SLC35F1: variants seen among roughly 807,000 people sequenced by gnomAD.
SLC35F1 encodes the protein chromosome 6 open reading frame 169.
A neutral mutation model predicts 48.7 loss-of-function variants in SLC35F1; 14 were observed. The ratio of observed to expected loss-of-function variants is 0.29; its 90% CI spans 0.19 to 0.45. The LOEUF (loss-of-function observed/expected upper bound fraction) is 0.45. SLC35F1 is among the 20% of genes least tolerant of loss of function. The pLI, the probability that SLC35F1 is intolerant of heterozygous loss-of-function variation, is 1.00. For missense variants in SLC35F1, 404 were observed against 500.0 expected, an observed-to-expected ratio of 0.81 and a Z score of 1.83; for synonymous variants, 190 against 202.2, an observed-to-expected ratio of 0.94 and a Z score of 0.51.
At chr6:117,919,288 A>G (rs1387117225) in intron 1 of SLC35F1, among the ~76,000 whole-genome samples, 2 of 152,148 alleles carry the variant, frequency 1.3e-5, no homozygotes, top group African/African-American at 4.8e-5. Context: ...GTTTTGTTTC[A>G]GGAAAACAGC....
intron 3 of SLC35F1, among the ~76,000 whole-genome samples, chr6:118,262,095 A>G (rs1455244381): frequency 1.3e-5 from 2 of 152,172 alleles, no homozygotes; most frequent in Non-Finnish European, 2.9e-5. Flanking sequence ...CACTCAGAAA[A>G]TGTTCCATCT....
At chr6:117,947,440 T>C (rs74810867) in intron 1 of SLC35F1, among the ~76,000 whole-genome samples, 3,142 of 152,172 alleles carry the variant, frequency 0.021, 44 homozygotes, top group Middle Eastern at 0.041. Flanking sequence ...ATTTGGGGGA[T>C]TTTTTAGCAG....
intron 4 of SLC35F1, among the ~76,000 whole-genome samples, chr6:118,270,938 CT>C (rs1775843720): frequency 6.6e-6 from 1 of 152,134 alleles, no homozygotes; most frequent in African/African-American, 2.4e-5. Context: ...ATGAAATATC[CT>C]TCTCGCCCTT....
chr6:118,297,644 T>TATATATATAATATATATAAAAA (rs974562354), intron 7 of SLC35F1, among the ~76,000 whole-genome samples: 4 of 87,734 alleles, frequency 4.6e-5, no homozygotes, highest in African/African-American at 2.3e-4. Flanking sequence ...ATATAAAAAA[T>TATATATATAATATATATAAAAA]ATATATATAA....
intron 2 of SLC35F1, among the ~76,000 whole-genome samples, chr6:118,171,142 T>C (rs1207246590): frequency 6.6e-6 from 1 of 151,718 alleles, no homozygotes; most frequent in Non-Finnish European, 1.5e-5. Context: ...GCTCAATAGA[T>C]CCTCCTACCT....
chr6:118,057,201 T>G (rs558999881), intron 1 of SLC35F1, among the ~76,000 whole-genome samples: 1 of 152,264 alleles, frequency 6.6e-6, no homozygotes, highest in South Asian at 2.1e-4. Flanking sequence ...AGGACTGAAT[T>G]AGTTTGATTA....
At chr6:118,136,573 C>T (rs1044728213) in intron 1 of SLC35F1, among the ~76,000 whole-genome samples, 2 of 152,162 alleles carry the variant, frequency 1.3e-5, no homozygotes, top group East Asian at 1.9e-4. Context: ...ACCTCATTAA[C>T]GCATCTCCTT....
At chr6:118,143,741 G>A (rs1027392225) in intron 1 of SLC35F1, among the ~76,000 whole-genome samples, 1 of 152,082 alleles carries the variant, frequency 6.6e-6, no homozygotes, top group East Asian at 1.9e-4. Flanking sequence ...AAACTATTCT[G>A]AATATCGACC....
chr6:118,259,061 C>T (rs184885066), intron 3 of SLC35F1, among the ~76,000 whole-genome samples: 2 of 151,120 alleles, frequency 1.3e-5, no homozygotes, highest in Admixed American at 1.3e-4. Flanking sequence ...TCAACAAATA[C>T]GATAAAGGTC....
At chr6:118,097,169 T>C (rs933023368) in intron 1 of SLC35F1, among the ~76,000 whole-genome samples, 1 of 152,190 alleles carries the variant, frequency 6.6e-6, no homozygotes, top group African/African-American at 2.4e-5. Flanking sequence ...AAGGCCACAT[T>C]CTGAAAACGA....
chr6:117,980,413 C>T (rs1026373050), intron 1 of SLC35F1, among the ~76,000 whole-genome samples: 2 of 152,170 alleles, frequency 1.3e-5, no homozygotes, highest in Non-Finnish European at 2.9e-5. Flanking sequence ...TTAGGTTGAA[C>T]ATCCAGTTCT....
At chr6:118,280,653 G>A (rs535616391) in intron 6 of SLC35F1, among the ~76,000 whole-genome samples, 44 of 152,058 alleles carry the variant, frequency 2.9e-4, no homozygotes, top group African/African-American at 5.5e-4. Flanking sequence ...TGAGGCGGGC[G>A]GATCACTTGA....
intron 1 of SLC35F1, among the ~76,000 whole-genome samples, chr6:117,913,986 T>C (rs950688699): frequency 5.3e-5 from 8 of 151,980 alleles, no homozygotes; most frequent in Non-Finnish European, 1.0e-4. Context: ...AGGAGGCAGA[T>C]GTTGCAGTGA....
chr6:118,151,458 G>T (rs909222279), intron 1 of SLC35F1, among the ~76,000 whole-genome samples: 3 of 152,072 alleles, frequency 2.0e-5, no homozygotes, highest in African/African-American at 7.2e-5. Context: ...ACTAAAACCA[G>T]CTCCTTATCA....
intron 1 of SLC35F1, among the ~76,000 whole-genome samples, chr6:118,079,021 T>A (rs892190401): frequency 6.6e-6 from 1 of 152,240 alleles, no homozygotes; most frequent in African/African-American, 2.4e-5. Flanking sequence ...AAAAAATGTA[T>A]TGTGGTAAAT....
chr6:118,170,414 T>G (rs1774385744), intron 2 of SLC35F1, among the ~76,000 whole-genome samples: 1 of 152,168 alleles, frequency 6.6e-6, no homozygotes, highest in South Asian at 2.1e-4. Flanking sequence ...TGAGACTATA[T>G]TTGAGGTGAT....
chr6:118,140,445 A>G (rs1193812427), intron 1 of SLC35F1, among the ~76,000 whole-genome samples: 1 of 152,222 alleles, frequency 6.6e-6, no homozygotes, highest in South Asian at 2.1e-4. Context: ...ACAAACTTCT[A>G]TGCTGGCAGT....
rs749588500 is a variant in SLC35F1 at position 118,235,505 on chromosome 6, A to G, written c.350-4A>G. On this transcript the variant is annotated splice_region_variant and splice_polypyrimidine_tract_variant and intron_variant, in intron 2 of 7. Transcript: ENST00000360388. ...ACCCATTTCTTCTTAACTTTGTAAC[A>G]CAGGAGAAGAAAACCTCCTGGCAAT... is the stretch of plus-strand genomic sequence containing the variant. 9.5e-5 allele frequency: 153 copies of G among 1,612,476 alleles called. No homozygotes were observed. The highest frequency in any genetic ancestry group is 2.3e-4 in the African/African-American group (17 of 74,882).
chr6:118,174,438 G>GGACT (rs1484578216), intron 2 of SLC35F1, among the ~76,000 whole-genome samples: 1 of 152,012 alleles, frequency 6.6e-6, no homozygotes, highest in Non-Finnish European at 1.5e-5. Context: ...GAAGAATGTA[G>GGACT]GACTCAACAG....
Sources: allele counts gnomAD v4.1 joint callset (sites outside exome capture counted in the v4.1 genomes callset), GRCh38; gene constraint gnomAD v4.1.1; transcripts MANE v1.5; gene names NCBI Gene and HGNC (gene_info 2026-07-23, HGNC 2026-07-21).